VPS8: variants seen among roughly 807,000 people sequenced by gnomAD.
VPS8 encodes the protein VPS8 subunit of CORVET complex, also known as vacuolar protein sorting-associated protein 8 homolog.
Under a neutral mutation model 216.4 loss-of-function variants are expected in VPS8, and 129 were observed. That is an observed-to-expected ratio of 0.60 (90% CI 0.52 to 0.69). The LOEUF (loss-of-function observed/expected upper bound fraction) is 0.69, where lower values mean the gene tolerates loss of function less well. Among genes scored for constraint, VPS8 ranks in the 30% least tolerant of loss-of-function variants. The pLI, the probability that VPS8 is intolerant of heterozygous loss-of-function variation, is 0.00. For missense variants in VPS8, 1,531 were observed against 1,683.5 expected, an observed-to-expected ratio of 0.91 and a Z score of 1.59; for synonymous variants, 571 against 565.4, an observed-to-expected ratio of 1.01 and a Z score of -0.14.
intron 45 of VPS8, among the ~76,000 whole-genome samples, chr3:185,019,443 A>C (rs901720322): frequency 3.3e-5 from 5 of 152,242 alleles, no homozygotes; most frequent in African/African-American, 1.2e-4. Context: ...AGATTTACCT[A>C]CATATTTATT....
Position 185,051,914 on chromosome 3 carries a change from C to T in VPS8, c.4176C>T (p.Ser1392=), listed in dbSNP as rs1356331519. The T allele has an allele frequency of 1.1e-5, 18 of 1,611,402 alleles. No homozygotes were observed. The highest frequency in any genetic ancestry group is 2.2e-5 in the East Asian group (1 of 44,684). ...LLTELSQNRS[S]ESYRPFSGSQ... ...CGGAACTCTCCCAGAATCGCAGCAG[C>T]GAGAGCTATAGGCCATTCAGTGGCT... is the stretch of plus-strand genomic sequence containing the variant. Residue 1392 remains serine (S), a synonymous_variant, in exon 48 of 48, where the codon AGC becomes AGT. Transcript: ENST00000625842.
intron 47 of VPS8, among the ~76,000 whole-genome samples, chr3:185,048,809 GTGTT>G (rs2108547103): frequency 6.6e-6 from 1 of 152,250 alleles, no homozygotes. Flanking sequence ...AAGGGCCTCT[GTGTT>G]TGACCTCCCT....
rs71162267 is a variant in VPS8, at chr3:184,842,186, C to CAAAAAAAAAAAAAAAAAAA, written c.536-1049_536-1031dup. Among the ~76,000 whole-genome samples the CAAAAAAAAAAAAAAAAAAA allele has an allele frequency of 2.5e-4, 12 of 48,978 alleles. No individual in the cohort carries two copies. The East Asian group carries it at 3.2e-3, about 13-fold the overall frequency. The allele number at this position is 48,978 out of a possible 152,430, so 32.1% of individuals were successfully genotyped here. The stretch of plus-strand genomic sequence containing the variant: ...TGGGTGACAGAGCGAGACTCCGTCT[C>CAAAAAAAAAAAAAAAAAAA]AAAAAAAAAAAAAAAAAAAAAAAGA... On this transcript the variant is annotated intron_variant, in intron 7 of 47. Transcript: ENST00000625842.
At chr3:184,851,532 C>T (rs1724267641) in intron 10 of VPS8, among the ~76,000 whole-genome samples, 1 of 152,038 alleles carries the variant, frequency 6.6e-6, no homozygotes, top group African/African-American at 2.4e-5. Flanking sequence ...CATTATAAAG[C>T]ACGTACAAAA....
intron 45 of VPS8, among the ~76,000 whole-genome samples, chr3:185,014,314 A>G (rs1037085322): frequency 3.3e-5 from 5 of 152,018 alleles, no homozygotes; most frequent in Admixed American, 6.6e-5. Context: ...GGTGTTGCTC[A>G]TGACAGTTGG....
At chr3:184,933,092 C>G (rs1740973583) in intron 34 of VPS8, among the ~76,000 whole-genome samples, 1 of 152,164 alleles carries the variant, frequency 6.6e-6, no homozygotes. Flanking sequence ...CCCAGCAATC[C>G]CCTACATTAT....
chr3:184,883,282 A>G (rs1176083185), intron 21 of VPS8, among the ~76,000 whole-genome samples: 2 of 152,084 alleles, frequency 1.3e-5, no homozygotes, highest in African/African-American at 4.8e-5. Context: ...TTTTATTTCT[A>G]TTCATTGTTT....
At chr3:184,964,580 T>C in intron 38 of VPS8, 23 bp downstream of exon 38, 1 of 1,390,376 alleles carries the variant, frequency 7.2e-7, no homozygotes, top group Non-Finnish European at 9.7e-7. Flanking sequence ...TATGTTTCTT[T>C]CATCATATTT....
intron 24 of VPS8, 146 bp from the exon 25 acceptor site, chr3:184,900,775 T>G (rs1560589844): frequency 3.0e-6 from 2 of 667,592 alleles, no homozygotes; most frequent in Non-Finnish European, 5.0e-6. Context: ...AAACATTTCA[T>G]GTACAGATTA....
At chr3:184,875,447 A>G (rs1729081806) in intron 21 of VPS8, among the ~76,000 whole-genome samples, 1 of 152,134 alleles carries the variant, frequency 6.6e-6, no homozygotes, top group South Asian at 2.1e-4. Context: ...TTCAACCTAT[A>G]ATTATAATTT....
rs532579635 is a variant in VPS8 at position 184,834,396 on chromosome 3, G to A, written c.354-253G>A. Among the ~76,000 whole-genome samples the A allele has an allele frequency of 2.0e-5, 3 of 152,222 alleles. No homozygotes were observed. The South Asian group carries it at 6.2e-4, about 32-fold the overall frequency. The stretch of plus-strand genomic sequence containing the variant: ...ACCTCTTTTAGGAGATATACCTAAT[G>A]CTAAATGATGAGTTAATGGGTGCAG... On this transcript the variant is annotated intron_variant, in intron 4 of 47. Transcript: ENST00000625842.
At chr3:184,843,178 C>A (rs2108612085) in intron 7 of VPS8, 62 bp from the exon 8 acceptor site, 1 of 1,311,044 alleles carries the variant, frequency 7.6e-7, no homozygotes, top group Non-Finnish European at 1.0e-6. Context: ...TTTCTTCGAA[C>A]TTTTGAACTG....
At chr3:185,001,445 G>A (rs13073717) in intron 45 of VPS8, among the ~76,000 whole-genome samples, 34,620 of 152,056 alleles carry the variant, frequency 0.23, 5,221 homozygotes, top group East Asian at 0.53. Flanking sequence ...TGCGACTGAG[G>A]AAGAGCCAAA....
chr3:184,953,356 G>T (rs1464035468), intron 36 of VPS8, among the ~76,000 whole-genome samples: 1 of 152,132 alleles, frequency 6.6e-6, no homozygotes. Context: ...TAAAAAGGTG[G>T]GATATCTTGA....
intron 21 of VPS8, among the ~76,000 whole-genome samples, chr3:184,874,026 T>C (rs1728811832): frequency 6.6e-6 from 1 of 151,998 alleles, no homozygotes; most frequent in South Asian, 2.1e-4. Flanking sequence ...TTTTGTTTAA[T>C]CATATTTAAT....
intron 46 of VPS8, among the ~76,000 whole-genome samples, chr3:185,035,937 AATCAGTAGC>A (rs1474018472): frequency 1.3e-5 from 2 of 152,242 alleles, no homozygotes; most frequent in African/African-American, 4.8e-5. Flanking sequence ...AATGTACAAA[AATCAGTAGC>A]ATTTCTATAC....
chr3:185,019,952 G>T (rs2110054099), intron 45 of VPS8, among the ~76,000 whole-genome samples: 1 of 152,254 alleles, frequency 6.6e-6, no homozygotes, highest in Non-Finnish European at 1.5e-5. Flanking sequence ...ACAATCCTTT[G>T]GTTTCAGAGC....
chr3:184,996,085 A>G (rs758268495), intron 43 of VPS8, among the ~76,000 whole-genome samples: 1 of 152,208 alleles, frequency 6.6e-6, no homozygotes, highest in East Asian at 1.9e-4. Flanking sequence ...CTCAATAGAA[A>G]CTAATGACAG....
intron 38 of VPS8, among the ~76,000 whole-genome samples, chr3:184,965,361 A>G (rs145575802): frequency 0.011 from 1,659 of 152,230 alleles, 31 homozygotes; most frequent in African/African-American, 0.037. Context: ...TTTTCTTGCA[A>G]TTTATTTGTT....
Sources: allele counts gnomAD v4.1 joint callset (sites outside exome capture counted in the v4.1 genomes callset), GRCh38; gene constraint gnomAD v4.1.1; transcripts MANE v1.5; gene names NCBI Gene and HGNC (gene_info 2026-07-23, HGNC 2026-07-21).